NSMCE2: variants seen among roughly 807,000 people sequenced by gnomAD.
NSMCE2 encodes NSE2 SUMO ligase component of SMC5/6 complex.
Under a neutral mutation model 23.8 loss-of-function variants are expected in NSMCE2, and 24 were observed. The observed-to-expected ratio is 1.01, with a 90% confidence interval of 0.73 to 1.42. NSMCE2 has a LOEUF of 1.42. Ranked by LOEUF, NSMCE2 falls within the 40% of genes most tolerant of loss-of-function variation. NSMCE2 has a pLI of 0.00. For missense variants in NSMCE2, 284 were observed against 296.5 expected (o/e 0.96, Z 0.31); for synonymous variants, 92 against 94.1 (o/e 0.98, Z 0.13).
At chr8:125,222,600 G>T (rs1418358641) in intron 5 of NSMCE2, among the ~76,000 whole-genome samples, 1 of 152,048 alleles carries the variant, frequency 6.6e-6, no homozygotes, top group Non-Finnish European at 1.5e-5. Context: ...GATTCCACGT[G>T]TAAGTGAGAT....
intron 5 of NSMCE2, among the ~76,000 whole-genome samples, chr8:125,296,190 A>G (rs1332389315): frequency 1.3e-5 from 2 of 152,274 alleles, no homozygotes; most frequent in East Asian, 3.9e-4. Flanking sequence ...TTCTTTTTAC[A>G]AACTGAGGTA....
intron 5 of NSMCE2, among the ~76,000 whole-genome samples, chr8:125,197,674 G>T (rs768369644): frequency 1.6e-4 from 25 of 152,094 alleles, no homozygotes; most frequent in Non-Finnish European, 3.2e-4. Flanking sequence ...GGCAATGTGG[G>T]CTCTTTTTTG....
chr8:125,161,595 C>T (rs139874457), intron 4 of NSMCE2, among the ~76,000 whole-genome samples: 2 of 151,912 alleles, frequency 1.3e-5, no homozygotes, highest in African/African-American at 4.8e-5. Flanking sequence ...GCCAGGAGTT[C>T]GAGACCAGCC....
chr8:125,315,912 C>T (rs1266100009), intron 5 of NSMCE2, among the ~76,000 whole-genome samples: 2 of 152,158 alleles, frequency 1.3e-5, no homozygotes, highest in Non-Finnish European at 2.9e-5. Flanking sequence ...AAGCAATCCT[C>T]TTACCTTAGC....
chr8:125,287,432 C>G (rs1827944505), intron 5 of NSMCE2, among the ~76,000 whole-genome samples: 1 of 152,182 alleles, frequency 6.6e-6, no homozygotes, highest in African/African-American at 2.4e-5. Context: ...GCTACTGTTC[C>G]TTTCCACAGA....
chr8:125,147,474 A>G (rs1279332980), intron 3 of NSMCE2, among the ~76,000 whole-genome samples: 1 of 152,196 alleles, frequency 6.6e-6, no homozygotes, highest in Non-Finnish European at 1.5e-5. Context: ...TAAGAAAGGA[A>G]AGATTGGTGG....
At chr8:125,287,475 C>T (rs187903299) in intron 5 of NSMCE2, among the ~76,000 whole-genome samples, 155 of 152,298 alleles carry the variant, frequency 1.0e-3, no homozygotes, top group African/African-American at 3.6e-3. Context: ...TGCTTGATTG[C>T]TCTCCTGGCT....
chr8:125,216,208 C>CA (rs373755146), intron 5 of NSMCE2, among the ~76,000 whole-genome samples: 18,602 of 152,134 alleles, frequency 0.12, 1,263 homozygotes, highest in African/African-American at 0.16. Context: ...TTTGTTGATC[C>CA]ACTTATCTGT....
At chr8:125,359,692 CAT>C (rs1255759815) in intron 7 of NSMCE2, among the ~76,000 whole-genome samples, 1 of 152,136 alleles carries the variant, frequency 6.6e-6, no homozygotes, top group East Asian at 1.9e-4. Flanking sequence ...GTAATCACCT[CAT>C]TGGCATATTT....
intron 5 of NSMCE2, among the ~76,000 whole-genome samples, chr8:125,260,569 T>C (rs1192285511): frequency 1.3e-5 from 2 of 150,104 alleles, no homozygotes; most frequent in East Asian, 1.9e-4. Context: ...AAAAAGAATT[T>C]GGATCTAGGT....
At chr8:125,304,263 A>G (rs10088674) in intron 5 of NSMCE2, among the ~76,000 whole-genome samples, 5,079 of 152,260 alleles carry the variant, frequency 0.033, 267 homozygotes, top group African/African-American at 0.12. Flanking sequence ...TGAATAATAT[A>G]TATAAAGATC....
intron 5 of NSMCE2, among the ~76,000 whole-genome samples, chr8:125,218,355 C>T (rs1035079498): frequency 6.6e-6 from 1 of 150,928 alleles, no homozygotes. Flanking sequence ...CTGTGCTATT[C>T]AAATATAAAA....
At chr8:125,290,180 A>G (rs1828054231) in intron 5 of NSMCE2, among the ~76,000 whole-genome samples, 2 of 152,226 alleles carry the variant, frequency 1.3e-5, no homozygotes. Flanking sequence ...ACTTTCTGGT[A>G]GTAGCCCATG....
chr8:125,142,869 T>C (rs796253732), intron 3 of NSMCE2, among the ~76,000 whole-genome samples: 4 of 152,362 alleles, frequency 2.6e-5, no homozygotes, highest in African/African-American at 9.6e-5. Flanking sequence ...CCCAAAGTGC[T>C]GGGATTACAG....
At chr8:125,107,591 C>T (rs886277526) in intron 3 of NSMCE2, among the ~76,000 whole-genome samples, 1 of 152,174 alleles carries the variant, frequency 6.6e-6, no homozygotes, top group African/African-American at 2.4e-5. Flanking sequence ...TTTGGTGCCA[C>T]TGCTCTGATT....
chr8:125,366,836 G>A lies in NSMCE2; in HGVS notation c.695G>A (p.Arg232Lys). 1 of 1,613,722 alleles carries A rather than the reference G, an allele frequency of 6.2e-7. No individual in the cohort carries two copies. Among genetic ancestry groups the A allele is most frequent in the East Asian group, 2.2e-5 (1 of 44,874 alleles). Reference sequence around the variant, plus strand: ...GATCTTATCCAGGATGAAGCACTTAGAAGGGCAATTGAGAACCATAACAAG... The same window carrying A: ...GATCTTATCCAGGATGAAGCACTTAAAAGGGCAATTGAGAACCATAACAAG... ...KSDLIQDEAL[R>K]RAIENHNKKR... Residue 232 changes from arginine (R) to lysine (K), a missense_variant, in exon 8 of 8, where the codon AGA (arginine) becomes AAA (lysine). By Grantham distance (26) the Arg-to-Lys change is conservative. Coordinates refer to ENST00000287437, the MANE Select transcript of NSMCE2 (RefSeq NM_173685.4).
intron 5 of NSMCE2, among the ~76,000 whole-genome samples, chr8:125,353,996 A>T (rs1813149602): frequency 6.7e-6 from 1 of 150,292 alleles, no homozygotes; most frequent in South Asian, 2.1e-4. Flanking sequence ...CAATGGCATG[A>T]TCTCTGCTCA....
intron 5 of NSMCE2, among the ~76,000 whole-genome samples, chr8:125,303,033 G>T (rs112856822): frequency 6.6e-6 from 1 of 152,266 alleles, no homozygotes; most frequent in South Asian, 2.1e-4. Context: ...TTTCGCAAGC[G>T]GAGAGTCCTC....
intron 1 of NSMCE2, among the ~76,000 whole-genome samples, chr8:125,098,523 T>G (rs1818041313): frequency 6.6e-6 from 1 of 152,114 alleles, no homozygotes; most frequent in Non-Finnish European, 1.5e-5. Context: ...GAGGCAAGAC[T>G]GAGAGCAGGG....
Sources: gnomAD v4.1 joint callset for allele counts (sites outside exome capture counted in the v4.1 genomes callset) on GRCh38, gnomAD v4.1.1 for gene constraint, MANE v1.5 for transcripts, NCBI Gene and HGNC (gene_info 2026-07-23, HGNC 2026-07-21) for gene names.